The following GPCPD1 variants were observed in gnomAD, a reference collection of about 807,000 sequenced individuals.
GPCPD1 encodes the protein glycerophosphocholine phosphodiesterase GPCPD1.
In GPCPD1, 29 loss-of-function variants were observed where a neutral mutation model predicts 89.2. That is an observed-to-expected ratio of 0.33 (90% CI 0.24 to 0.44). GPCPD1 has a LOEUF of 0.44. Ranked by LOEUF, GPCPD1 falls within the 20% of genes least tolerant of loss-of-function variation. The probability of loss-of-function intolerance (pLI) is 1.00; values close to 1 mark genes in which losing one functional copy is unlikely to be tolerated. For missense variants in GPCPD1, 594 were observed against 808.9 expected (o/e 0.73, Z 3.22); for synonymous variants, 258 against 266.3 (o/e 0.97, Z 0.30).
Position 5,547,591 on chromosome 20 carries a change from G to C in GPCPD1, c.*70C>G. The C allele has an allele frequency of 1.3e-6, 1 of 759,744 alleles. No individual in the cohort carries two copies. Among genetic ancestry groups the C allele is most frequent in the Non-Finnish European group, 2.2e-6 (1 of 450,086 alleles). The allele number at this position is 759,744 out of a possible 1,614,324, so 47.1% of individuals were successfully genotyped here. A position where few individuals can be genotyped will look rare whatever the true frequency, so the allele number is the denominator to read the frequency against. On this transcript the variant is annotated 3_prime_UTR_variant, in exon 20 of 20. Coordinates refer to ENST00000379019, the MANE Select transcript of GPCPD1 (RefSeq NM_019593.5). The stretch of plus-strand genomic sequence containing the variant: ...AGCCCAAAAGGCATAGATCAACAAT[G>C]CTCAGTGATGAAAAATGAATACCCA...
chr20:5,555,921 T>A (rs1219357134), intron 19 of GPCPD1, among the ~76,000 whole-genome samples: 4 of 152,166 alleles, frequency 2.6e-5, no homozygotes, highest in Non-Finnish European at 5.9e-5. Flanking sequence ...CACCATCATG[T>A]GCAACAGAGA....
chr20:5,588,641 A>G (rs756064081), intron 4 of GPCPD1, among the ~76,000 whole-genome samples: 9 of 152,120 alleles, frequency 5.9e-5, no homozygotes, highest in Non-Finnish European at 1.3e-4. Flanking sequence ...CCTGGCCAAC[A>G]TGGTGAAACC....
At chr20:5,596,055 G>A (rs573538705) in intron 3 of GPCPD1, among the ~76,000 whole-genome samples, 61 of 152,232 alleles carry the variant, frequency 4.0e-4, no homozygotes, top group Non-Finnish European at 7.1e-4. Context: ...AAGAGATGAA[G>A]AAGGCAAAGC....
intron 14 of GPCPD1, 117 bp from the exon 15 acceptor site, chr20:5,565,195 C>A: frequency 3.1e-6 from 2 of 655,012 alleles, no homozygotes; most frequent in East Asian, 2.6e-5. Flanking sequence ...TGTGTGTGAG[C>A]AAGCGCGAGA....
At chr20:5,549,748 CA>C (rs397864689) in intron 19 of GPCPD1, among the ~76,000 whole-genome samples, 5,306 of 95,480 alleles carry the variant, frequency 0.056, 89 homozygotes, top group African/African-American at 0.13. Flanking sequence ...GAACCTGCCT[CA>C]AAAAAAAAAA....
At chr20:5,554,946 G>C (rs144966813) in intron 19 of GPCPD1, among the ~76,000 whole-genome samples, 39 of 152,346 alleles carry the variant, frequency 2.6e-4, no homozygotes, top group African/African-American at 8.2e-4. Context: ...AGATGCCAGA[G>C]GGGTTCAAAC....
chr20:5,580,084 T>C lies in GPCPD1; in HGVS notation c.397A>G (p.Ile133Val). 6.7e-7 allele frequency: 1 copy of C among 1,499,488 alleles called. No individual in the cohort carries two copies. The highest frequency in any genetic ancestry group is 9.3e-7 in the Non-Finnish European group (1 of 1,076,316). The allele number at this position is 1,499,488 out of a possible 1,614,324, so 92.9% of individuals were successfully genotyped here. A position where few individuals can be genotyped will look rare whatever the true frequency, so the allele number is the denominator to read the frequency against. ...TCAGAATAATGCAAACGTAATCTTA[T>C]TTCAGTCTGACATGTCAGCCATCCA... is the stretch of plus-strand genomic sequence containing the variant. ...DSGWLTCQTEIRLRLHYSEKP... is the reference protein window; with the variant it reads ...DSGWLTCQTEVRLRLHYSEKP... Residue 133 changes from isoleucine to valine, a missense_variant, in exon 7 of 20, where the codon ATA (isoleucine) becomes GTA (valine). By Grantham distance (29) the Ile-to-Val change is conservative. Coordinates refer to ENST00000379019, the MANE Select transcript of GPCPD1 (RefSeq NM_019593.5).
chr20:5,566,781 C>T lies in GPCPD1; in HGVS notation c.1228-9G>A. ...GCAGTCACATGAGTGAGCTAGAAAG[C>T]ACACAAACAAAATGAAATCAGAAAG... is the stretch of plus-strand genomic sequence containing the variant. On this transcript the variant is annotated splice_polypyrimidine_tract_variant and intron_variant, in intron 13 of 19. Transcript: ENST00000379019. 6.4e-7 allele frequency: 1 copy of T among 1,568,220 alleles called. No individual in the cohort carries two copies. The highest frequency in any genetic ancestry group is 1.1e-5 in the South Asian group (1 of 90,084).
intron 4 of GPCPD1, among the ~76,000 whole-genome samples, chr20:5,589,752 T>C (rs550497883): frequency 5.9e-5 from 9 of 152,352 alleles, no homozygotes; most frequent in African/African-American, 2.2e-4. Flanking sequence ...TAACTTATTC[T>C]TTAAGATCTA....
chr20:5,589,441 A>T (rs545873747), intron 4 of GPCPD1, among the ~76,000 whole-genome samples: 1 of 152,106 alleles, frequency 6.6e-6, no homozygotes, highest in Non-Finnish European at 1.5e-5. Flanking sequence ...GAGAAACCTC[A>T]TCTCTACTAA....
At chr20:5,574,423 G>C (rs945892652) in intron 10 of GPCPD1, among the ~76,000 whole-genome samples, 6 of 152,116 alleles carry the variant, frequency 3.9e-5, no homozygotes, top group African/African-American at 1.2e-4. Context: ...GAACAGAAAG[G>C]GGGAAAATGT....
chr20:5,608,148 G>A (rs1454437961), intron 1 of GPCPD1, among the ~76,000 whole-genome samples: 2 of 152,070 alleles, frequency 1.3e-5, no homozygotes, highest in African/African-American at 4.8e-5. Flanking sequence ...GAAAGCAAAT[G>A]GAAAACTTAA....
intron 2 of GPCPD1, among the ~76,000 whole-genome samples, chr20:5,603,272 G>A (rs1477664822): frequency 3.9e-5 from 6 of 151,960 alleles, no homozygotes; most frequent in African/African-American, 7.3e-5. Context: ...TAGCCTGGGC[G>A]ACAGAGCAAC....
Position 5,569,499 on chromosome 20 carries a change from T to TCC in GPCPD1, c.1149+646_1149+647dup, listed in dbSNP as rs11482938. Among the ~76,000 whole-genome samples the TCC allele has an allele frequency of 1.6e-3, 241 of 149,824 alleles. 1 individual carries two copies. The highest frequency in any genetic ancestry group is 2.9e-3 in the African/African-American group (118 of 40,782). Reference sequence around the variant, plus strand: ...GTAAGTTTTTAAATCTCATTCTGGATCCCCCCCCGCCATTATGCCCTCTTC... The same window carrying TCC: ...GTAAGTTTTTAAATCTCATTCTGGATCCCCCCCCCCGCCATTATGCCCTCTTC... On this transcript the variant is annotated intron_variant, in intron 12 of 19. Coordinates refer to ENST00000379019, the MANE Select transcript of GPCPD1 (RefSeq NM_019593.5).
chr20:5,572,721 G>T (rs1265803895), intron 11 of GPCPD1, among the ~76,000 whole-genome samples: 1 of 151,308 alleles, frequency 6.6e-6, no homozygotes, highest in Non-Finnish European at 1.5e-5. Flanking sequence ...GAATAGGGGA[G>T]AAAAATCTCA....
Position 5,604,397 on chromosome 20 carries a change from C to G in GPCPD1, c.16G>C (p.Val6Leu), listed in dbSNP as rs758288404. The G allele has an allele frequency of 1.3e-6, 2 of 1,566,530 alleles. No homozygotes were observed. Among genetic ancestry groups the G allele is most frequent in the Non-Finnish European group, 1.8e-6 (2 of 1,141,228 alleles). Residue 6 changes from valine (V) to leucine (L), a missense_variant, in exon 2 of 20, where the codon GTT becomes CTT. Val to Leu is a conservative substitution (Grantham distance 32). Coordinates refer to ENST00000379019, the MANE Select transcript of GPCPD1 (RefSeq NM_019593.5). ...AGAGTTCCTCTTATTTCAAAGGCAA[C>G]CTGAGAAGGTGTCATTCTGATGGAT... MTPSQ[V>L]AFEIRGTLLP...
At chr20:5,602,412 G>A (rs1174315751) in intron 2 of GPCPD1, among the ~76,000 whole-genome samples, 2 of 152,198 alleles carry the variant, frequency 1.3e-5, no homozygotes, top group African/African-American at 4.8e-5. Flanking sequence ...TAAACCAGAG[G>A]TGAGCACTTG....
chr20:5,610,166 T>C (rs552905392), intron 1 of GPCPD1, among the ~76,000 whole-genome samples: 1 of 152,274 alleles, frequency 6.6e-6, no homozygotes, highest in East Asian at 1.9e-4. Flanking sequence ...ACCTAAGTGA[T>C]TGAGGCTCTC....
In GPCPD1 at chr20:5,565,024, A is replaced by C; in HGVS notation, c.1322T>G (p.Leu441Arg). 6.8e-7 allele frequency: 1 copy of C among 1,478,934 alleles called. No homozygotes were observed. Among genetic ancestry groups the C allele is most frequent in the Non-Finnish European group, 9.5e-7 (1 of 1,057,296 alleles). The allele number at this position is 1,478,934 out of a possible 1,614,324, so 91.6% of individuals were successfully genotyped here. ...TTTTCCTCAATAACTTACCATCTTA[A>C]GAGAAGGAAATGGCTGATTTTCTGA... is the stretch of plus-strand genomic sequence containing the variant. ...SFSENQPFPSLKMVLESLPED... is the reference protein window; with the variant it reads ...SFSENQPFPSRKMVLESLPED... The change falls in exon 15 of 20, where the codon CTT becomes CGT. Residue 441 changes from leucine (L) to arginine (R), a missense_variant. Transcript: ENST00000379019.
Sources: gnomAD v4.1 joint callset for allele counts (sites outside exome capture counted in the v4.1 genomes callset) on GRCh38, gnomAD v4.1.1 for gene constraint, MANE v1.5 for transcripts, NCBI Gene and HGNC (gene_info 2026-07-23, HGNC 2026-07-21) for gene names.